Variants in ADAM29 observed in about 807,000 individuals in gnomAD.
ADAM29 encodes ADAM metallopeptidase domain 29.
For synonymous variants in ADAM29, 367 were observed against 342.3 expected (o/e 1.07, Z -0.80); for missense variants, 969 against 1,001.8 (o/e 0.97, Z 0.44).
At chr4:174,926,063 G>A (rs1004457575) in intron 2 of ADAM29, among the ~76,000 whole-genome samples, 11 of 152,134 alleles carry the variant, frequency 7.2e-5, no homozygotes, top group African/African-American at 2.7e-4. Flanking sequence ...CAGATAGAGT[G>A]AAGTGGAGAT....
At chr4:174,959,614 T>C (rs1745697732) in intron 4 of ADAM29, among the ~76,000 whole-genome samples, 1 of 151,734 alleles carries the variant, frequency 6.6e-6, no homozygotes, top group South Asian at 2.1e-4. Flanking sequence ...ATTTACTTTT[T>C]TTCTCTAGTG....
At chr4:174,936,775 C>T (rs1322979433) in intron 3 of ADAM29, among the ~76,000 whole-genome samples, 158 bp from the exon 4 acceptor site, 1 of 151,608 alleles carries the variant, frequency 6.6e-6, no homozygotes. Context: ...ATATTTTTTT[C>T]AATTAAGCTC....
At chr4:174,955,922 A>G (rs1348281043) in intron 4 of ADAM29, among the ~76,000 whole-genome samples, 1 of 152,008 alleles carries the variant, frequency 6.6e-6, no homozygotes, top group Non-Finnish European at 1.5e-5. Flanking sequence ...TTGAAATTAG[A>G]TATGATTGCC....
Position 174,977,319 on chromosome 4 carries a change from G to A in ADAM29, c.1794G>A (p.Val598=), listed in dbSNP as rs1270959369. 4 of 1,613,614 alleles carry A rather than the reference G, an allele frequency of 2.5e-6. No individual in the cohort carries two copies. The highest frequency in any genetic ancestry group is 3.3e-5 in the Admixed American group (2 of 60,024). ...LGMKGPDIGE[V]KDGTECGIDH... ...TGAAGGGACCTGATATTGGTGAAGT[G>A]AAAGATGGAACAGAGTGTGGGATAG... Residue 598 remains valine, a synonymous_variant, in exon 5 of 5, where the codon GTG becomes GTA. Transcript: ENST00000359240.
rs374516591 is a variant in ADAM29, at chr4:174,973,933, C to A, written c.-180-1413C>A. Among the ~76,000 whole-genome samples, 6 of 152,270 alleles carry A rather than the reference C, an allele frequency of 3.9e-5. 1 individual carries two copies. Among genetic ancestry groups the A allele is most frequent in the Admixed American group, 1.3e-4 (2 of 15,286 alleles). ...GCTCATTCAGGCTGCATTTCACTGG[C>A]CTTATTCTACAGCAGGGTTGTATCA... On this transcript the variant is annotated intron_variant, in intron 4 of 4. Transcript: ENST00000359240.
chr4:174,956,320 C>G (rs1215877963), intron 4 of ADAM29, among the ~76,000 whole-genome samples: 1 of 151,894 alleles, frequency 6.6e-6, no homozygotes, highest in Admixed American at 6.6e-5. Context: ...AATTTAATTT[C>G]TTTAATGTAT....
intron 4 of ADAM29, among the ~76,000 whole-genome samples, chr4:174,944,624 C>T (rs1203246273): frequency 6.6e-6 from 1 of 152,124 alleles, no homozygotes; most frequent in African/African-American, 2.4e-5. Context: ...ATTATTTTGT[C>T]ACCCAGGTAG....
chr4:174,925,970 TCAG>T lies in ADAM29; in HGVS notation c.-450-5014_-450-5012del, dbSNP rs762941884. ...TGCTTCAGACACACTCTAATGAAAG[TCAG>T]CTTTCTTTCAAATCATTTTAAAAAA... On this transcript the variant is annotated intron_variant, in intron 2 of 4. Transcript: ENST00000359240. Among the ~76,000 whole-genome samples, 153 of 152,302 alleles carry T rather than the reference TCAG, an allele frequency of 1.0e-3. 1 individual carries two copies. The highest frequency in any genetic ancestry group is 1.5e-3 in the Non-Finnish European group (105 of 68,012).
At chr4:174,966,990 C>T (rs566655456) in intron 4 of ADAM29, among the ~76,000 whole-genome samples, 1 of 152,318 alleles carries the variant, frequency 6.6e-6, no homozygotes, top group East Asian at 1.9e-4. Context: ...TATCGCCCAT[C>T]TAAGCACTTT....
rs562665364 is a variant in ADAM29, at chr4:174,925,204, C to T, written c.-451+4412C>T. On this transcript the variant is annotated intron_variant, in intron 2 of 4. Transcript: ENST00000359240. ...CTGGATGGGACCTTGGAATCACAAA[C>T]AGACATTAGCAAAAAATTAAGGAAA... Among the ~76,000 whole-genome samples, 280 of 152,218 alleles carry T rather than the reference C, an allele frequency of 1.8e-3. 2 individuals carry two copies. Among genetic ancestry groups the T allele is most frequent in the African/African-American group, 6.6e-3 (274 of 41,564 alleles).
Position 174,977,843 on chromosome 4 carries a change from T to A in ADAM29, c.2318T>A (p.Met773Lys). 1 of 1,416,972 alleles carries A rather than the reference T, an allele frequency of 7.1e-7. No individual in the cohort carries two copies. Among genetic ancestry groups the A allele is most frequent in the Non-Finnish European group, 9.6e-7 (1 of 1,046,978 alleles). The allele number at this position is 1,416,972 out of a possible 1,614,324, so 87.8% of individuals were successfully genotyped here. ...CCCTCCCAGAGTCAACCTCGGGTGATGCCTTCTCAGAGTCAACCTCCTGTG... is the reference window on the plus strand; with the variant it reads ...CCCTCCCAGAGTCAACCTCGGGTGAAGCCTTCTCAGAGTCAACCTCCTGTG... ...VTPSQSQPRV[M>K]PSQSQPPVMP... Residue 773 changes from methionine (M) to lysine (K), a missense_variant, in exon 5 of 5, where the codon ATG becomes AAG. Met to Lys is a moderately conservative substitution (Grantham distance 95). Transcript: ENST00000359240.
chr4:174,947,073 A>G (rs72710280), intron 4 of ADAM29, among the ~76,000 whole-genome samples: 41,181 of 151,670 alleles, frequency 0.27, 6,274 homozygotes, highest in Non-Finnish European at 0.35. Context: ...TTGTATTTCT[A>G]TGGGGCCAAT....
intron 4 of ADAM29, among the ~76,000 whole-genome samples, chr4:174,960,288 T>A (rs2111056000): frequency 6.6e-6 from 1 of 152,226 alleles, no homozygotes; most frequent in East Asian, 1.9e-4. Flanking sequence ...CTTTTTAGTA[T>A]GAAATATTTA....
At chr4:174,973,278 A>T (rs902060770) in intron 4 of ADAM29, among the ~76,000 whole-genome samples, 4 of 152,284 alleles carry the variant, frequency 2.6e-5, no homozygotes, top group Middle Eastern at 3.4e-3. Flanking sequence ...ACTGGACACA[A>T]ATCAATCTCT....
At position 174,977,143 on chromosome 4, in the gene ADAM29, A is replaced by G; in HGVS notation, c.1618A>G (p.Thr540Ala). 2 of 1,614,138 alleles carry G rather than the reference A, an allele frequency of 1.2e-6. No individual in the cohort carries two copies. The highest frequency in any genetic ancestry group is 1.7e-6 in the Non-Finnish European group (2 of 1,180,022). The change falls in exon 5 of 5, where the codon ACA (threonine) becomes GCA (alanine). Residue 540 changes from threonine (T) to alanine (A), a missense_variant. Transcript: ENST00000359240. ...TGGTCACTGTGGTATCAAAAATGCT[A>G]CATATATAAAGTGTAATATCTCAGA... ...RVGHCGIKNA[T>A]YIKCNISDVQ...
At chr4:174,950,705 A>C (rs1333436089) in intron 4 of ADAM29, among the ~76,000 whole-genome samples, 5 of 152,134 alleles carry the variant, frequency 3.3e-5, no homozygotes, top group African/African-American at 7.2e-5. Context: ...TACATACTTG[A>C]TGTGGTTTAT....
intron 4 of ADAM29, among the ~76,000 whole-genome samples, chr4:174,974,104 C>T (rs1746616360): frequency 6.6e-6 from 1 of 152,154 alleles, no homozygotes; most frequent in Non-Finnish European, 1.5e-5. Context: ...TGAATGTGGA[C>T]TGTGTTTGGT....
At chr4:174,945,546 C>T (rs534308027) in intron 4 of ADAM29, among the ~76,000 whole-genome samples, 98 of 152,170 alleles carry the variant, frequency 6.4e-4, no homozygotes, top group African/African-American at 2.2e-3. Flanking sequence ...CTTTTGGCAT[C>T]TTCATCATGA....
intron 4 of ADAM29, among the ~76,000 whole-genome samples, chr4:174,967,754 C>T (rs1348547072): frequency 6.6e-6 from 1 of 152,192 alleles, no homozygotes; most frequent in Admixed American, 6.5e-5. Flanking sequence ...TGTCATGAAA[C>T]CGCTTGGACT....
Sources: gnomAD v4.1 joint callset for allele counts (sites outside exome capture counted in the v4.1 genomes callset) on GRCh38, gnomAD v4.1.1 for gene constraint, MANE v1.5 for transcripts, NCBI Gene and HGNC (gene_info 2026-07-23, HGNC 2026-07-21) for gene names.